The following NUMBL variants were observed in gnomAD, a reference collection of about 807,000 sequenced individuals.
NUMBL encodes numb-like protein.
A neutral mutation model predicts 48.9 loss-of-function variants in NUMBL; 20 were observed. The observed-to-expected ratio is 0.41, with a 90% confidence interval of 0.29 to 0.59. NUMBL has a LOEUF of 0.59. Ranked by LOEUF, NUMBL falls within the 20% of genes least tolerant of loss-of-function variation. The probability of loss-of-function intolerance (pLI) is 0.31; values close to 1 mark genes in which losing one functional copy is unlikely to be tolerated. For missense variants in NUMBL, 660 were observed against 846.2 expected (o/e 0.78, Z 2.73); for synonymous variants, 340 against 348.7 (o/e 0.98, Z 0.28).
At chr19:40,686,068 C>G (rs931393654) in intron 2 of NUMBL, 1 of 152,648 alleles carries the variant, frequency 6.6e-6, no homozygotes, top group Non-Finnish European at 1.5e-5. Flanking sequence ...GAGCCTGGGC[C>G]CGCGGGTGCT....
chr19:40,677,162 C>T, intron 7 of NUMBL, 70 bp downstream of exon 7: 7 of 1,485,958 alleles, frequency 4.7e-6, no homozygotes, highest in East Asian at 2.5e-5. Flanking sequence ...ACCTCTGCAG[C>T]TCCCTGCCCC....
chr19:40,679,982 G>GA (rs913740244), intron 6 of NUMBL, among the ~76,000 whole-genome samples: 30 of 145,316 alleles, frequency 2.1e-4, no homozygotes, highest in South Asian at 2.2e-4. Context: ...TTCACCTCAA[G>GA]AAAAAAAAAA....
rs767929280 is a variant in NUMBL, at chr19:40,666,139, G to GTTTTTTTTTTTTTTTTTTTTTTT, written c.*1328_*1329insAAAAAAAAAAAAAAAAAAAAAAA. ...ATTAATATTGAGCTAATTAGAAGTA[G>GTTTTTTTTTTTTTTTTTTTTTTT]TTTTTTTTTTTTTGTTTTTTTTTTT... is the stretch of plus-strand genomic sequence containing the variant. On this transcript the variant is annotated 3_prime_UTR_variant, in exon 10 of 10. Transcript: ENST00000252891. The GTTTTTTTTTTTTTTTTTTTTTTT allele has an allele frequency of 2.4e-5, 3 of 125,968 alleles. No individual in the cohort carries two copies. The highest frequency in any genetic ancestry group is 3.3e-5 in the Non-Finnish European group (2 of 60,734). The allele number at this position is 125,968 out of a possible 1,614,324, so 7.8% of individuals were successfully genotyped here. A position where few individuals can be genotyped will look rare whatever the true frequency, so the allele number is the denominator to read the frequency against.
At chr19:40,674,559 C>T (rs1241440161) in intron 7 of NUMBL, among the ~76,000 whole-genome samples, 1 of 152,198 alleles carries the variant, frequency 6.6e-6, no homozygotes, top group African/African-American at 2.4e-5. Flanking sequence ...AGATTAAACT[C>T]AGGCCCAGAG....
At chr19:40,674,179 A>C (rs887115131) in intron 7 of NUMBL, among the ~76,000 whole-genome samples, 22 of 152,080 alleles carry the variant, frequency 1.4e-4, no homozygotes, top group Non-Finnish European at 2.9e-4. Context: ...GCTCCAAATG[A>C]CTGCCCGCCC....
intron 7 of NUMBL, among the ~76,000 whole-genome samples, chr19:40,677,016 G>A (rs1229792657): frequency 6.6e-6 from 1 of 152,140 alleles, no homozygotes; most frequent in African/African-American, 2.4e-5. Context: ...GTTTTACCAT[G>A]TCGCGCAGGC....
chr19:40,680,497 G>A (rs972459846), intron 6 of NUMBL, among the ~76,000 whole-genome samples: 1 of 151,928 alleles, frequency 6.6e-6, no homozygotes, highest in South Asian at 2.1e-4. Flanking sequence ...CTCCCAGGCT[G>A]GAGTGCAGTG....
Position 40,690,484 on chromosome 19 carries a change from C to T in NUMBL, c.-1G>A. On this transcript the variant is annotated 5_prime_UTR_variant, in exon 1 of 10. Transcript: ENST00000252891. The stretch of plus-strand genomic sequence containing the variant: ...CGCTGGCCGCCGCGCTGCGGGACAT[C>T]CAGGGCCCGGGCGCCCCCGCCTCCC... 7.7e-7 allele frequency: 1 copy of T among 1,298,738 alleles called. No individual in the cohort carries two copies. The highest frequency in any genetic ancestry group is 9.8e-7 in the Non-Finnish European group (1 of 1,020,734). The allele number at this position is 1,298,738 out of a possible 1,614,324, so 80.5% of individuals were successfully genotyped here.
rs2081902944 is a variant in NUMBL at position 40,681,067 on chromosome 19, GC to G, written c.400-11del. On this transcript the variant is annotated splice_polypyrimidine_tract_variant and intron_variant, in intron 5 of 9. Coordinates refer to ENST00000252891, the MANE Select transcript of NUMBL (RefSeq NM_004756.5). ...GGTCGACCAGAAGATCCTAGGAGGG[GC>G]CGGGGAGGCCAGGAGAAGAGTGTGA... 6.2e-7 allele frequency: 1 copy of G among 1,613,672 alleles called. No individual in the cohort carries two copies. Among genetic ancestry groups the G allele is most frequent in the African/African-American group, 1.3e-5 (1 of 74,944 alleles).
intron 3 of NUMBL, 98 bp downstream of exon 3, chr19:40,684,319 G>T: frequency 2.2e-6 from 3 of 1,355,486 alleles, no homozygotes; most frequent in South Asian, 1.3e-5. Flanking sequence ...AACTTCAAAC[G>T]ACTTGGGCTG....
At position 40,667,502 on chromosome 19, in the gene NUMBL, C is replaced by A; in HGVS notation, c.1796G>T (p.Gly599Val). ...AATCTCGAATGTCTTTTGCAGGTCG[C>A]CAGAAAAGGGGTTGGAGGGTTTCTC... Reference protein sequence around the residue: ...TVEKPSNPFSGDLQKTFEIEL With the variant: ...TVEKPSNPFSVDLQKTFEIEL Residue 599 changes from glycine (G) to valine (V), a missense_variant, in exon 10 of 10, where the codon GGC (glycine) becomes GTC (valine). Coordinates refer to ENST00000252891, the MANE Select transcript of NUMBL (RefSeq NM_004756.5). This position sits in a 1 kb window ranked among gnomAD's most constrained non-coding sequence, Gnocchi z 6.1. 1 of 1,597,234 alleles carries A rather than the reference C, an allele frequency of 6.3e-7. No homozygotes were observed. The highest frequency in any genetic ancestry group is 8.5e-7 in the Non-Finnish European group (1 of 1,171,900).
chr19:40,676,847 C>T (rs8109754), intron 7 of NUMBL, among the ~76,000 whole-genome samples: 49,534 of 151,756 alleles, frequency 0.33, 9,127 homozygotes, highest in African/African-American at 0.49. Flanking sequence ...CAGAGTCTCA[C>T]TCTATTGCCC....
intron 1 of NUMBL, among the ~76,000 whole-genome samples, chr19:40,689,054 A>T (rs530587602): frequency 2.8e-4 from 43 of 152,294 alleles, no homozygotes; most frequent in Middle Eastern, 6.8e-3. Context: ...CACGTATATA[A>T]AATCAGGTAG....
rs1315441035 is a variant in NUMBL, at chr19:40,688,952, CT to C, written c.24+1507del. ...TACGCAACCACTGTCATACACAATACTGTCACACAACCCCAGTCACACAGAT... is the reference window on the plus strand; with the variant it reads ...TACGCAACCACTGTCATACACAATACGTCACACAACCCCAGTCACACAGAT... On this transcript the variant is annotated intron_variant, in intron 1 of 9. Transcript: ENST00000252891. The surrounding 1 kb of genome is among the most constrained non-coding windows in gnomAD (Gnocchi z 4.6). Among the ~76,000 whole-genome samples the C allele has an allele frequency of 6.6e-6, 1 of 152,224 alleles. No individual in the cohort carries two copies. Among genetic ancestry groups the C allele is most frequent in the Non-Finnish European group, 1.5e-5 (1 of 68,042 alleles).
chr19:40,676,462 G>A (rs1271862098), intron 7 of NUMBL, among the ~76,000 whole-genome samples: 1 of 152,036 alleles, frequency 6.6e-6, no homozygotes, highest in Non-Finnish European at 1.5e-5. Flanking sequence ...TTAATACACA[G>A]GTTGAAAAGC....
Position 40,687,087 on chromosome 19 carries a change from CT to C in NUMBL, c.25-93del. 1 of 738,584 alleles carries C rather than the reference CT, an allele frequency of 1.4e-6. No individual in the cohort carries two copies. Among genetic ancestry groups the C allele is most frequent in the South Asian group, 1.9e-5 (1 of 52,384 alleles). 45.8% of individuals were successfully genotyped at this position (738,584 alleles called of 1,614,324 possible). A position where few individuals can be genotyped will look rare whatever the true frequency, so the allele number is the denominator to read the frequency against. ...CCGACTTTGGACTTCGGCCAGCCCC[CT>C]CCATCTTGGGCTCCCTGATGAGAGT... is the stretch of plus-strand genomic sequence containing the variant. On this transcript the variant is annotated intron_variant, in intron 1 of 9. Transcript: ENST00000252891. The surrounding 1 kb of genome is among the most constrained non-coding windows in gnomAD (Gnocchi z 4.6).
chr19:40,675,512 AT>A (rs1375101883), intron 7 of NUMBL, among the ~76,000 whole-genome samples: 1,965 of 87,140 alleles, frequency 0.023, 36 homozygotes, highest in African/African-American at 0.073. Context: ...AAATAAATAA[AT>A]TAATTAATTA....
intron 6 of NUMBL, among the ~76,000 whole-genome samples, chr19:40,678,832 C>G (rs1568429754): frequency 6.6e-6 from 1 of 152,214 alleles, no homozygotes; most frequent in Non-Finnish European, 1.5e-5. Context: ...ACTGCAGTCG[C>G]TCACACCTGT....
chr19:40,668,355 C>T (rs1319484960), intron 9 of NUMBL, among the ~76,000 whole-genome samples: 1 of 152,178 alleles, frequency 6.6e-6, no homozygotes, highest in Non-Finnish European at 1.5e-5. Flanking sequence ...TAAGAACATA[C>T]AATTCTGAGC....
Sources: allele counts gnomAD v4.1 joint callset (sites outside exome capture counted in the v4.1 genomes callset), GRCh38; gene constraint gnomAD v4.1.1; non-coding constraint Gnocchi (gnomAD v3.1); transcripts MANE v1.5; gene names NCBI Gene and HGNC (gene_info 2026-07-23, HGNC 2026-07-21).